The following PPIE variants were observed in gnomAD, a reference collection of about 807,000 sequenced individuals.
The protein encoded by PPIE is peptidyl-prolyl cis-trans isomerase E.
Under a neutral mutation model 38.4 loss-of-function variants are expected in PPIE, and 20 were observed. The ratio of observed to expected loss-of-function variants is 0.52; its 90% CI spans 0.37 to 0.76. The LOEUF (loss-of-function observed/expected upper bound fraction) is 0.76, where lower values mean the gene tolerates loss of function less well. PPIE is among the 30% of genes least tolerant of loss of function. PPIE has a pLI of 0.00. For missense variants in PPIE, 322 were observed against 385.8 expected (o/e 0.83, Z 1.39); for synonymous variants, 142 against 135.7 (o/e 1.05, Z -0.32).
At chr1:39,748,627 C>T (rs1647367811) in intron 7 of PPIE, 2 of 394,966 alleles carry the variant, frequency 5.1e-6, no homozygotes, top group Non-Finnish European at 9.3e-6. Flanking sequence ...CCCAGCTACT[C>T]AAGAGGCTGA....
intron 7 of PPIE, chr1:39,746,667 G>GT (rs1363088329): frequency 2.6e-5 from 4 of 152,186 alleles, no homozygotes; most frequent in Admixed American, 6.5e-5. Context: ...CTGTCTCCAG[G>GT]ATTACCTGCA....
At chr1:39,752,803 C>T in intron 8 of PPIE, 107 bp from the exon 9 acceptor site, 1 of 1,377,762 alleles carries the variant, frequency 7.3e-7, no homozygotes, top group Non-Finnish European at 9.9e-7. Flanking sequence ...TCTGTGCATC[C>T]CCGAGTCTGA....
chr1:39,748,324 A>G (rs1239581453), intron 7 of PPIE: 2 of 152,212 alleles, frequency 1.3e-5, no homozygotes, highest in African/African-American at 4.8e-5. Flanking sequence ...ATTTGCCCCT[A>G]TGTTTTCTTC....
chr1:39,751,336 A>G (rs1295106503), intron 8 of PPIE, among the ~76,000 whole-genome samples: 1 of 152,078 alleles, frequency 6.6e-6, no homozygotes, highest in East Asian at 1.9e-4. Flanking sequence ...AATATCTGGC[A>G]GGATATTTGT....
intron 8 of PPIE, among the ~76,000 whole-genome samples, chr1:39,750,016 C>G (rs1647549305): frequency 6.6e-6 from 1 of 152,062 alleles, no homozygotes; most frequent in Non-Finnish European, 1.5e-5. Context: ...GCCTGTAATC[C>G]TAGCTGCTCG....
At chr1:39,738,987 G>A (rs1412122297) in intron 1 of PPIE, 56 bp downstream of exon 1, 6 of 1,391,286 alleles carry the variant, frequency 4.3e-6, no homozygotes, top group Admixed American at 3.2e-5. Context: ...CCAAGGGTCG[G>A]GGCGTGGGGT....
rs766092450 is a variant in PPIE at position 39,753,420 on chromosome 1, C to CT, written c.*66dup. On this transcript the variant is annotated 3_prime_UTR_variant, in exon 10 of 10. Transcript: ENST00000324379. Reference sequence around the variant, plus strand: ...GCATATCCAGGAAGGAACTGCCAGCCTCAGAGGAGGCAGCACCGAGGGTGC... The same window carrying CT: ...GCATATCCAGGAAGGAACTGCCAGCCTTCAGAGGAGGCAGCACCGAGGGTGC... 107 of 1,590,580 alleles carry CT rather than the reference C, an allele frequency of 6.7e-5. No homozygotes were observed. The highest frequency in any genetic ancestry group is 8.6e-5 in the Non-Finnish European group (101 of 1,168,412).
rs192296583 is a variant in PPIE, at chr1:39,756,675, G to C, written c.*3320G>C. ...CAAAGAAACATATATAGTACAGTGT[G>C]ATCCCAATTTTGTAAAAATATCTGT... On this transcript the variant is annotated 3_prime_UTR_variant, in exon 10 of 10. Coordinates refer to ENST00000324379, the MANE Select transcript of PPIE (RefSeq NM_006112.4). The C allele has an allele frequency of 5.5e-4, 508 of 916,124 alleles. 2 individuals are homozygous for C. In the African/African-American group the frequency reaches 8.2e-3, roughly 15 times the overall value. 56.7% of individuals were successfully genotyped at this position (916,124 alleles called of 1,614,324 possible).
At chr1:39,742,651 A>G (rs1471834399) in intron 4 of PPIE, 1 of 152,424 alleles carries the variant, frequency 6.6e-6, no homozygotes, top group Non-Finnish European at 1.5e-5. Context: ...CGATTAGTGC[A>G]TAGTTAGTCC....
At chr1:39,749,880 TCC>T (rs966762726) in intron 8 of PPIE, among the ~76,000 whole-genome samples, 17 of 152,326 alleles carry the variant, frequency 1.1e-4, no homozygotes, top group Non-Finnish European at 1.6e-4. Context: ...AGTCCTGTAA[TCC>T]CAGCATTTTG....
chr1:39,740,282 C>A lies in PPIE; in HGVS notation c.130+19C>A, dbSNP rs1308469919. ...GAAACAGGTGAGTTAGTGTCTCTCA[C>A]GTTCAGAATCCTCTTACTAGGAAAA... is the stretch of plus-strand genomic sequence containing the variant. On this transcript the variant is annotated intron_variant, in intron 2 of 9. Transcript: ENST00000324379. 6.4e-7 allele frequency: 1 copy of A among 1,574,676 alleles called. No individual in the cohort carries two copies. Among genetic ancestry groups the A allele is most frequent in the Non-Finnish European group, 8.7e-7 (1 of 1,148,576 alleles).
intron 2 of PPIE, 125 bp downstream of exon 2, chr1:39,740,388 G>A: frequency 1.4e-6 from 1 of 704,432 alleles, no homozygotes; most frequent in Non-Finnish European, 2.3e-6. Context: ...GTAAGTTCAG[G>A]AAGGTGTCTG....
rs1557446875 is a variant in PPIE at position 39,745,401 on chromosome 1, C to G, written c.411C>G (p.Arg137=). The change falls in exon 7 of 10, where the codon CGC becomes CGG. Residue 137 remains arginine (R), a synonymous_variant. Transcript: ENST00000324379. ...GAGAGCCCATTGCTAAAAAGGCCCG[C>G]TCAAATCCTCAGGTGTACATGGACA... ...QEGEPIAKKA[R]SNPQVYMDIK... is the part of the protein sequence containing the mutation. 1 of 1,614,246 alleles carries G rather than the reference C, an allele frequency of 6.2e-7. No individual in the cohort carries two copies. Among genetic ancestry groups the G allele is most frequent in the Non-Finnish European group, 8.5e-7 (1 of 1,180,040 alleles).
downstream of PPIE, chr1:39,760,699 T>C (rs1273944206): frequency 8.3e-7 from 1 of 1,207,626 alleles, no homozygotes; most frequent in Non-Finnish European, 1.1e-6. Flanking sequence ...AGCACAATAA[T>C]AATAACTATT....
downstream of PPIE, among the ~76,000 whole-genome samples, chr1:39,761,002 C>A (rs1648886701): frequency 6.6e-6 from 1 of 152,098 alleles, no homozygotes; most frequent in African/African-American, 2.4e-5. Context: ...TGGCCTCCCT[C>A]CCCAGTCTCT....
Position 39,749,052 on chromosome 1 carries a change from G to A in PPIE, c.658G>A (p.Asp220Asn), listed in dbSNP as rs765808679. Reference protein sequence around the residue: ...GGKSIYGKKFDDENFILKHTG... With the variant: ...GGKSIYGKKFNDENFILKHTG... ...CAAGTCCATCTATGGGAAGAAGTTC[G>A]ATGATGAAAACTTTATCCTCAAGCA... The change falls in exon 8 of 10, where the codon GAT (aspartate) becomes AAT (asparagine). Residue 220 changes from aspartate to asparagine, a missense_variant. Asp to Asn is a conservative substitution (Grantham distance 23). Coordinates refer to ENST00000324379, the MANE Select transcript of PPIE (RefSeq NM_006112.4). 5.6e-6 allele frequency: 9 copies of A among 1,609,360 alleles called. No individual in the cohort carries two copies. In the South Asian group the frequency reaches 6.7e-5, roughly 12 times the overall value.
chr1:39,744,884 A>G (rs934188825), intron 6 of PPIE, among the ~76,000 whole-genome samples: 1 of 152,174 alleles, frequency 6.6e-6, no homozygotes, highest in African/African-American at 2.4e-5. Context: ...CTGTCTTCTG[A>G]GCACTTAGGC....
At chr1:39,760,205 A>G (rs779642898), downstream of PPIE, 4 of 801,640 alleles carry the variant, frequency 5.0e-6, no homozygotes, top group Non-Finnish European at 7.6e-6. Context: ...GATTGAGACC[A>G]CCTGGGCTGG....
rs369622308 is a variant in PPIE at position 39,753,035 on chromosome 1, G to A, written c.820G>A (p.Val274Ile). ...TGGAGAGGTCACCGAAGGCCTAGAT[G>A]TCTTGCGGCAAATTGAGGTATGTGG... ...VFGEVTEGLD[V>I]LRQIEAQGSK... Residue 274 changes from valine to isoleucine, a missense_variant, in exon 9 of 10, where the codon GTC becomes ATC. Coordinates refer to ENST00000324379, the MANE Select transcript of PPIE (RefSeq NM_006112.4). 120 of 1,614,088 alleles carry A rather than the reference G, an allele frequency of 7.4e-5. No individual in the cohort carries two copies. The highest frequency in any genetic ancestry group is 1.0e-4 in the Non-Finnish European group (119 of 1,180,042).
Sources: allele counts gnomAD v4.1 joint callset (sites outside exome capture counted in the v4.1 genomes callset), GRCh38; gene constraint gnomAD v4.1.1; transcripts MANE v1.5; gene names NCBI Gene and HGNC (gene_info 2026-07-23, HGNC 2026-07-21).